Variants in SLIT1 observed in about 807,000 individuals in gnomAD.
SLIT1 encodes the protein slit guidance ligand 1.
SLIT1 carries 66 observed loss-of-function variants against 186.1 expected under a neutral mutation model. The observed-to-expected ratio is 0.35, with a 90% CI of 0.29 to 0.44. The LOEUF (loss-of-function observed/expected upper bound fraction) is 0.44, where lower values mean the gene tolerates loss of function less well. Among genes scored for constraint, SLIT1 ranks in the 20% least tolerant of loss-of-function variants. The probability of loss-of-function intolerance (pLI) is 1.00; values close to 1 mark genes in which losing one functional copy is unlikely to be tolerated. For synonymous variants in SLIT1, 761 were observed against 833.8 expected (o/e 0.91, Z 1.50); for missense variants, 1,638 against 2,037.4 (o/e 0.80, Z 3.77).
At chr10:97,054,423 T>A (rs968887663) in intron 13 of SLIT1, among the ~76,000 whole-genome samples, 1 of 152,054 alleles carries the variant, frequency 6.6e-6, no homozygotes, top group African/African-American at 2.4e-5. Flanking sequence ...CTCTTTTCTT[T>A]ATAGATTACC....
At position 97,014,011 on chromosome 10, in the gene SLIT1, G is replaced by T; in HGVS notation, c.3109+8C>A. 6.2e-7 allele frequency: 1 copy of T among 1,612,674 alleles called. No individual in the cohort carries two copies. On this transcript the variant is annotated splice_region_variant and intron_variant, in intron 29 of 36. Transcript: ENST00000266058. ...CTCCCCCAGACACTGCTGCCCTGAC[G>T]CACTTACCCTCATACTGCAGGGGGC...
In SLIT1 at chr10:97,006,288, T is replaced by C. The variant is rs949911255; in HGVS notation, c.3579+195A>G. On this transcript the variant is annotated intron_variant, in intron 32 of 36. Coordinates refer to ENST00000266058, the MANE Select transcript of SLIT1 (RefSeq NM_003061.3). This position sits in a 1 kb window ranked among gnomAD's most constrained non-coding sequence, Gnocchi z 4.0. ...CATGTCCACCCCTGCCCTGGTTTTG[T>C]GACACTATAACCTTTCTAATTGTGC... is the stretch of plus-strand genomic sequence containing the variant. Among the ~76,000 whole-genome samples the C allele has an allele frequency of 2.0e-5, 3 of 152,228 alleles. No individual in the cohort carries two copies. The highest frequency in any genetic ancestry group is 1.3e-4 in the Admixed American group (2 of 15,282).
intron 18 of SLIT1, 75 bp downstream of exon 18, chr10:97,046,579 C>T: frequency 7.0e-7 from 1 of 1,438,666 alleles, no homozygotes; most frequent in South Asian, 1.4e-5. Context: ...CTCCTCCAGC[C>T]TCTCTCTTCC....
At position 97,066,566 on chromosome 10, in the gene SLIT1, G is replaced by C. The variant is rs182482601; in HGVS notation, c.414-480C>G. ...ATGGCATGTGAGTTCCGGGAGCTCT[G>C]GTTGTTGAAGTGTGTGGCACCTCCC... is the stretch of plus-strand genomic sequence containing the variant. On this transcript the variant is annotated intron_variant, in intron 4 of 36. Coordinates refer to ENST00000266058, the MANE Select transcript of SLIT1 (RefSeq NM_003061.3). 5.4e-3 allele frequency among the ~76,000 whole-genome samples: 826 copies of C among 152,160 alleles called. 9 individuals are homozygous for C. Among genetic ancestry groups the C allele is most frequent in the African/African-American group, 0.019 (773 of 41,508 alleles).
intron 4 of SLIT1, among the ~76,000 whole-genome samples, chr10:97,086,092 T>A (rs1849156258): frequency 6.6e-6 from 1 of 152,220 alleles, no homozygotes; most frequent in South Asian, 2.1e-4. Context: ...GATCCAGTGA[T>A]CATGCTCCTT....
rs1589371366 is a variant in SLIT1 at position 97,040,099 on chromosome 10, A to G, written c.2186T>C (p.Leu729Pro). 1.9e-6 allele frequency: 3 copies of G among 1,586,940 alleles called. No individual in the cohort carries two copies. Among genetic ancestry groups the G allele is most frequent in the Non-Finnish European group, 2.6e-6 (3 of 1,167,218 alleles). The change falls in exon 21 of 37, where the codon CTG becomes CCG. Residue 729 changes from leucine (L) to proline (P), a missense_variant. Coordinates refer to ENST00000266058, the MANE Select transcript of SLIT1 (RefSeq NM_003061.3). ...CTCCTGTGGGCACTGTGGGCGGGGC[A>G]GGCAGCCCCCCTCCTCCTGGCCTAG... ...CEEGQEEGGC[L>P]PRPQCPQECA...
chr10:97,058,185 T>C lies in SLIT1; in HGVS notation c.1086-904A>G. 6.1e-6 allele frequency: 4 copies of C among 653,756 alleles called. No homozygotes were observed. In the South Asian group the frequency reaches 6.6e-5, roughly 11 times the overall value. 40.5% of individuals were successfully genotyped at this position (653,756 alleles called of 1,614,324 possible). On this transcript the variant is annotated intron_variant, in intron 11 of 36. Coordinates refer to ENST00000266058, the MANE Select transcript of SLIT1 (RefSeq NM_003061.3). ...AGGAAGCCACTGAGACAGCATCAGA[T>C]TCCCATTTCAGAAACACCCCTCAAG...
intron 1 of SLIT1, among the ~76,000 whole-genome samples, chr10:97,179,286 T>G (rs1850298519): frequency 6.6e-6 from 1 of 152,180 alleles, no homozygotes; most frequent in Non-Finnish European, 1.5e-5. Flanking sequence ...TTCATAACCA[T>G]GGACAGTTAT....
At chr10:97,040,770 T>G (rs1848683781) in intron 20 of SLIT1, among the ~76,000 whole-genome samples, 1 of 152,222 alleles carries the variant, frequency 6.6e-6, no homozygotes, top group Non-Finnish European at 1.5e-5. Context: ...CATCCCTTCA[T>G]TGATTCATTC....
chr10:97,119,867 T>G (rs1302292417), intron 4 of SLIT1, among the ~76,000 whole-genome samples: 1 of 142,244 alleles, frequency 7.0e-6, no homozygotes, highest in East Asian at 2.1e-4. Flanking sequence ...CTTCCTCACT[T>G]AGTCTTGAAA....
At chr10:97,057,304 G>T (rs755808139) in intron 11 of SLIT1, 23 bp from the exon 12 acceptor site, 7 of 1,607,516 alleles carry the variant, frequency 4.4e-6, no homozygotes, top group Non-Finnish European at 6.0e-6. Flanking sequence ...CAGCAGAGAG[G>T]AGGGTTAGAG....
rs770786574 is a variant in SLIT1 at position 97,063,503 on chromosome 10, G to A, written c.745C>T (p.Arg249Cys). 1.4e-5 allele frequency: 22 copies of A among 1,612,978 alleles called. No individual in the cohort carries two copies. The highest frequency in any genetic ancestry group is 8.9e-5 in the East Asian group (4 of 44,886). ...FTQCSGPASL[R>C]GLNVAEVQKS... is the part of the protein sequence containing the mutation. ...TGGACCTCTGCCACATTGAGGCCAC[G>A]CAGGCTGGCTGGGCCCGAGCACTGG... is the stretch of plus-strand genomic sequence containing the variant. Residue 249 changes from arginine to cysteine, a missense_variant, in exon 8 of 37, where the codon CGT (arginine) becomes TGT (cysteine). Arg to Cys is a radical substitution (Grantham distance 180). Transcript: ENST00000266058.
rs530570819 is a variant in SLIT1 at position 97,067,947 on chromosome 10, G to A, written c.414-1861C>T. 3.9e-4 allele frequency among the ~76,000 whole-genome samples: 59 copies of A among 152,212 alleles called. No individual in the cohort carries two copies. In the South Asian group the frequency reaches 0.011, roughly 29 times the overall value. ...CGCCCCTTGAACTGTCAAGGCCGCC[G>A]CTGCCCTGTCTGGGTTTCCCTGGTG... On this transcript the variant is annotated intron_variant, in intron 4 of 36. Coordinates refer to ENST00000266058, the MANE Select transcript of SLIT1 (RefSeq NM_003061.3).
At position 97,047,917 on chromosome 10, in the gene SLIT1, C is replaced by T. The variant is rs1848749475; in HGVS notation, c.1489+56G>A. The T allele has an allele frequency of 3.7e-6, 6 of 1,612,826 alleles. No individual in the cohort carries two copies. The East Asian group carries it at 1.1e-4, about 30-fold the overall frequency. ...TGGGTCAACCAAGGCCCCCAGCCTGCCCACCCACTACCACCATTCCCGCCA... is the reference window on the plus strand; with the variant it reads ...TGGGTCAACCAAGGCCCCCAGCCTGTCCACCCACTACCACCATTCCCGCCA... On this transcript the variant is annotated intron_variant, in intron 15 of 36. Coordinates refer to ENST00000266058, the MANE Select transcript of SLIT1 (RefSeq NM_003061.3).
In SLIT1 at chr10:97,004,188, C is replaced by T. The variant is rs778225220; in HGVS notation, c.3745G>A (p.Val1249Ile). 2.0e-5 allele frequency: 32 copies of T among 1,613,348 alleles called. No homozygotes were observed. The highest frequency in any genetic ancestry group is 1.2e-4 in the Admixed American group (7 of 60,018). Residue 1249 changes from valine to isoleucine, a missense_variant, in exon 34 of 37, where the codon GTT becomes ATT. Val to Ile is a conservative substitution (Grantham distance 29, BLOSUM62 3). This residue lies in a region of SLIT1 where 173 missense variants were observed against 290.9 expected (regional missense o/e 0.59). Transcript: ENST00000266058. The surrounding 1 kb of genome is among the most constrained non-coding windows in gnomAD (Gnocchi z 5.1). ...ETINDGQFHT[V>I]ELVAFDQMVN... The stretch of plus-strand genomic sequence containing the variant: ...ATCTGGTCAAAGGCAACCAGCTCAA[C>T]GGTGTGGAATTGCCCATCGTTGATC...
chr10:97,149,924 G>A (rs1032129149), intron 4 of SLIT1, among the ~76,000 whole-genome samples: 2 of 152,210 alleles, frequency 1.3e-5, no homozygotes, highest in Admixed American at 6.5e-5. Context: ...ACATTAGCGT[G>A]TTAAATGGGC....
intron 8 of SLIT1, among the ~76,000 whole-genome samples, chr10:97,061,302 A>G (rs758686284): frequency 6.6e-6 from 1 of 152,258 alleles, no homozygotes; most frequent in Non-Finnish European, 1.5e-5. Context: ...AAATTCTCAC[A>G]GCTAATAAGT....
At chr10:97,137,076 C>T (rs1849710321) in intron 4 of SLIT1, among the ~76,000 whole-genome samples, 1 of 152,214 alleles carries the variant, frequency 6.6e-6, no homozygotes, top group Admixed American at 6.5e-5. Context: ...AAAAAGGAAG[C>T]TGTTTGCAGA....
rs1564660495 is a variant in SLIT1, at chr10:97,043,547, T to C, written c.1854-34A>G. ...GAACGGGGGAGGGAGGAGGGGACCC[T>C]TGCTGCCCTGCCAGCCATCCACCTG... On this transcript the variant is annotated intron_variant, in intron 18 of 36. Transcript: ENST00000266058. This position sits in a 1 kb window ranked among gnomAD's most constrained non-coding sequence, Gnocchi z 7.0. 6.3e-7 allele frequency: 1 copy of C among 1,597,052 alleles called. No individual in the cohort carries two copies. The highest frequency in any genetic ancestry group is 8.6e-7 in the Non-Finnish European group (1 of 1,169,198).
Sources: allele counts gnomAD v4.1 joint callset (sites outside exome capture counted in the v4.1 genomes callset), GRCh38; gene constraint gnomAD v4.1.1; regional missense constraint gnomAD v4.1.1; non-coding constraint Gnocchi (gnomAD v3.1); transcripts MANE v1.5; gene names NCBI Gene and HGNC (gene_info 2026-07-23, HGNC 2026-07-21).